Variants in GNPDA1 observed in about 807,000 individuals in gnomAD.
The protein encoded by GNPDA1 is GNPDA 1.
In GNPDA1, 24 loss-of-function variants were observed where a neutral mutation model predicts 28.5. The ratio of observed to expected loss-of-function variants is 0.84; its 90% confidence interval spans 0.61 to 1.19. The LOEUF (loss-of-function observed/expected upper bound fraction) is 1.19, where lower values mean the gene tolerates loss of function less well. GNPDA1 is among the 50% of genes most tolerant of loss of function. GNPDA1 has a pLI of 0.00. For synonymous variants in GNPDA1, 147 were observed against 139.3 expected, an observed-to-expected ratio of 1.06 and a Z score of -0.39; for missense variants, 264 against 367.3, an observed-to-expected ratio of 0.72 and a Z score of 2.30.
At position 142,001,033 on chromosome 5, in the gene GNPDA1, A is replaced by C. The variant is rs1048284370; in HGVS notation, c.*996T>G. The stretch of plus-strand genomic sequence containing the variant: ...ACATCAGACCACACCATGTGAATTT[A>C]AGCAGGACTATTTTAAGTGGGGAAA... On this transcript the variant is annotated 3_prime_UTR_variant, in exon 7 of 7. Coordinates refer to ENST00000311337, the MANE Select transcript of GNPDA1 (RefSeq NM_005471.5). 1.3e-5 allele frequency: 2 copies of C among 152,398 alleles called. No individual in the cohort carries two copies. Among genetic ancestry groups the C allele is most frequent in the Non-Finnish European group, 2.9e-5 (2 of 68,060 alleles). The allele number at this position is 152,398 out of a possible 1,614,324, so 9.4% of individuals were successfully genotyped here. A position where few individuals can be genotyped will look rare whatever the true frequency, so the allele number is the denominator to read the frequency against.
intron 2 of GNPDA1, among the ~76,000 whole-genome samples, chr5:142,010,053 G>T (rs1755905475): frequency 6.6e-6 from 1 of 152,232 alleles, no homozygotes; most frequent in African/African-American, 2.4e-5. Flanking sequence ...CAGCCTCCGA[G>T]GGCCTGAGAC....
intron 1 of GNPDA1, chr5:142,012,441 C>T (rs112533497): frequency 6.3e-6 from 1 of 159,598 alleles, no homozygotes; most frequent in Non-Finnish European, 1.4e-5. Context: ...TCTACGTTGG[C>T]TGTTACCATC....
intron 2 of GNPDA1, among the ~76,000 whole-genome samples, chr5:142,010,010 G>A (rs926340769): frequency 6.6e-6 from 1 of 152,140 alleles, no homozygotes; most frequent in African/African-American, 2.4e-5. Flanking sequence ...CAGAGGTTGG[G>A]TCTCTCCACA....
rs1476307109 is a variant in GNPDA1, at chr5:142,007,655, G to A, written c.226+144C>T. ...GCTTTATTAGCCCCATTTTATAGCT[G>A]AGTAAACCAAGAGGTAAGTATTGAT... On this transcript the variant is annotated intron_variant, in intron 3 of 6. Transcript: ENST00000311337. 2.7e-5 allele frequency: 17 copies of A among 638,106 alleles called. 1 individual carries two copies. The Admixed American group carries it at 3.9e-4, about 15-fold the overall frequency. The allele number at this position is 638,106 out of a possible 1,614,324, so 39.5% of individuals were successfully genotyped here. A position where few individuals can be genotyped will look rare whatever the true frequency, so the allele number is the denominator to read the frequency against.
rs947804637 is a variant in GNPDA1 at position 142,012,021 on chromosome 5, G to A, written c.15C>T (p.Ile5=). The change falls in exon 2 of 7, where the codon ATC becomes ATT. Residue 5 remains isoleucine, a synonymous_variant. Transcript: ENST00000311337. MKLI[I]LEHYSQASEW... Reference sequence around the variant, plus strand: ...CGCTCGCCTGAGAATAGTGCTCCAGGATGATGAGCTTCATCTTGTCCTGCA... The same window carrying A: ...CGCTCGCCTGAGAATAGTGCTCCAGAATGATGAGCTTCATCTTGTCCTGCA... 5 of 1,602,012 alleles carry A rather than the reference G, an allele frequency of 3.1e-6. No individual in the cohort carries two copies. The highest frequency in any genetic ancestry group is 3.4e-6 in the Non-Finnish European group (4 of 1,169,988).
At chr5:142,012,206 C>G in intron 1 of GNPDA1, 165 bp from the exon 2 acceptor site, 2 of 576,438 alleles carry the variant, frequency 3.5e-6, no homozygotes, top group Non-Finnish European at 2.9e-6. Context: ...AGAGGCTAGG[C>G]CAGTCGTCTC....
intron 2 of GNPDA1, 31 bp downstream of exon 2, chr5:142,011,881 T>C: frequency 6.2e-7 from 1 of 1,613,272 alleles, no homozygotes; most frequent in Non-Finnish European, 8.5e-7. Context: ...TCCACCCTTA[T>C]CCACGGCACC....
rs1755800453 is a variant in GNPDA1, at chr5:142,006,211, T to C, written c.342A>G (p.Leu114=). 1.2e-6 allele frequency: 2 copies of C among 1,614,110 alleles called. No individual in the cohort carries two copies. The highest frequency in any genetic ancestry group is 1.7e-6 in the Non-Finnish European group (2 of 1,179,938). Residue 114 remains leucine, a synonymous_variant, in exon 4 of 7, where the codon CTA becomes CTG. Transcript: ENST00000311337. The part of the protein sequence containing the change: ...THILDGNAVD[L]QAECDAFEEK... Reference sequence around the variant, plus strand: ...CTTCAAAGGCATCACATTCTGCCTGTAGGTCGACTGCATTCCCATCCAGAA... The same window carrying C: ...CTTCAAAGGCATCACATTCTGCCTGCAGGTCGACTGCATTCCCATCCAGAA...
chr5:142,011,842 G>A (rs1561574287), intron 2 of GNPDA1, 70 bp downstream of exon 2: 12 of 1,564,286 alleles, frequency 7.7e-6, no homozygotes, highest in South Asian at 1.1e-5. Flanking sequence ...TGAGTGAGCC[G>A]GTGTACCTGG....
chr5:142,009,384 C>G (rs1303381253), intron 2 of GNPDA1, among the ~76,000 whole-genome samples: 1 of 152,104 alleles, frequency 6.6e-6, no homozygotes. Flanking sequence ...CCACCCCTGC[C>G]GACACACTCC....
At chr5:142,010,571 C>G (rs1755923778) in intron 2 of GNPDA1, among the ~76,000 whole-genome samples, 1 of 149,302 alleles carries the variant, frequency 6.7e-6, no homozygotes. Context: ...AGTGCAATTG[C>G]ACAATCATGG....
rs1442031804 is a variant in GNPDA1 at position 142,000,970 on chromosome 5, A to C, written c.*1059T>G. ...CACCTTGGGATCCGGGGAGAAGGGT[A>C]AATGGGCAAAAGGGTTGTATTTCCT... is the stretch of plus-strand genomic sequence containing the variant. On this transcript the variant is annotated 3_prime_UTR_variant, in exon 7 of 7. Coordinates refer to ENST00000311337, the MANE Select transcript of GNPDA1 (RefSeq NM_005471.5). 1.3e-5 allele frequency: 2 copies of C among 152,516 alleles called. No individual in the cohort carries two copies. The highest frequency in any genetic ancestry group is 2.9e-5 in the Non-Finnish European group (2 of 68,110). 9.4% of individuals were successfully genotyped at this position (152,516 alleles called of 1,614,324 possible).
In GNPDA1 at chr5:142,005,069, G is replaced by A. The variant is rs758358966; in HGVS notation, c.457C>T (p.Leu153=). 6.2e-7 allele frequency: 1 copy of A among 1,612,304 alleles called. No individual in the cohort carries two copies. Among genetic ancestry groups the A allele is most frequent in the African/African-American group, 1.3e-5 (1 of 74,902 alleles). ...GTCTTCACACGGGTCCTGGACACCA[G>A]ACTGGAGCCTGGCTCGTTGAAGGCA... ...HIAFNEPGSS[L]VSRTRVKTLA... Residue 153 remains leucine, a synonymous_variant, in exon 5 of 7, where the codon CTG becomes TTG. Coordinates refer to ENST00000311337, the MANE Select transcript of GNPDA1 (RefSeq NM_005471.5).
intron 4 of GNPDA1, 131 bp from the exon 5 acceptor site, chr5:142,005,247 G>A (rs984699620): frequency 4.5e-6 from 3 of 669,392 alleles, no homozygotes; most frequent in African/African-American, 3.6e-5. Flanking sequence ...CTCATTTGCA[G>A]CCCTGGGCAG....
intron 4 of GNPDA1, chr5:142,005,404 A>C (rs1160745363): frequency 3.8e-6 from 1 of 265,740 alleles, no homozygotes; most frequent in African/African-American, 2.1e-5. Context: ...GCTGAGGAGG[A>C]AACACTCCAA....
Position 142,003,202 on chromosome 5 carries a change from C to T in GNPDA1, c.655G>A (p.Gly219Arg). Residue 219 changes from glycine to arginine, a missense_variant, in exon 6 of 7, where the codon GGA (glycine) becomes AGA (arginine). Gly to Arg is a moderately radical substitution (Grantham distance 125). Transcript: ENST00000311337. This position sits in a 1 kb window ranked among gnomAD's most constrained non-coding sequence, Gnocchi z 4.0. The part of the protein sequence containing the change: ...AFALYKAIEE[G>R]VNHMWTVSAF... Reference sequence around the variant, plus strand: ...GACACGGTCCACATGTGGTTCACTCCCTCCTCGATGGCCTTGTACAGAGCA... The same window carrying T: ...GACACGGTCCACATGTGGTTCACTCTCTCCTCGATGGCCTTGTACAGAGCA... 1 of 1,613,732 alleles carries T rather than the reference C, an allele frequency of 6.2e-7. No homozygotes were observed. Among genetic ancestry groups the T allele is most frequent in the Non-Finnish European group, 8.5e-7 (1 of 1,179,640 alleles).
rs1756003653 is a variant in GNPDA1, at chr5:142,013,010, G to A, written c.-22C>T. The A allele has an allele frequency of 6.6e-6, 1 of 151,066 alleles. No homozygotes were observed. The highest frequency in any genetic ancestry group is 2.1e-4 in the South Asian group (1 of 4,820). 9.4% of individuals were successfully genotyped at this position (151,066 alleles called of 1,614,324 possible). On this transcript the variant is annotated 5_prime_UTR_variant, in exon 1 of 7. Transcript: ENST00000311337. ...ACCCACTTACACGGACGCCTCCCGCGGCGGCTGCAGCGACTGCGCCGGCGG... is the reference window on the plus strand; with the variant it reads ...ACCCACTTACACGGACGCCTCCCGCAGCGGCTGCAGCGACTGCGCCGGCGG...
rs1206862585 is a variant in GNPDA1 at position 142,003,248 on chromosome 5, G to A, written c.609C>T (p.Ile203=). 40 of 1,610,850 alleles carry A rather than the reference G, an allele frequency of 2.5e-5. No individual in the cohort carries two copies. The highest frequency in any genetic ancestry group is 3.3e-5 in the Non-Finnish European group (39 of 1,178,072). Residue 203 remains isoleucine, a synonymous_variant, in exon 6 of 7, where the codon ATC becomes ATT. Coordinates refer to ENST00000311337, the MANE Select transcript of GNPDA1 (RefSeq NM_005471.5). This position sits in a 1 kb window ranked among gnomAD's most constrained non-coding sequence, Gnocchi z 4.0. ...GAGCAAATGCCTTGTGAGCACCTGT[G>A]ATAAGGATCATCACCTGGGGATCAG... The part of the protein sequence containing the change: ...VMDAREVMIL[I]TGAHKAFALY...
chr5:142,007,986 C>T lies in GNPDA1; in HGVS notation c.125-86G>A, dbSNP rs559981132. ...TTCACAGGAATAAGTCAGGGCTGCT[C>T]ACAGGGAGAACCTGTCAGATCTGAA... is the stretch of plus-strand genomic sequence containing the variant. On this transcript the variant is annotated intron_variant, in intron 2 of 6. Coordinates refer to ENST00000311337, the MANE Select transcript of GNPDA1 (RefSeq NM_005471.5). The T allele has an allele frequency of 2.2e-4, 166 of 753,502 alleles. No individual in the cohort carries two copies. In the African/African-American group the frequency reaches 2.6e-3, roughly 12 times the overall value. The allele number at this position is 753,502 out of a possible 1,614,324, so 46.7% of individuals were successfully genotyped here.
Sources: gnomAD v4.1 joint callset for allele counts (sites outside exome capture counted in the v4.1 genomes callset) on GRCh38, gnomAD v4.1.1 for gene constraint, Gnocchi (gnomAD v3.1) non-coding constraint, MANE v1.5 for transcripts, NCBI Gene and HGNC (gene_info 2026-07-23, HGNC 2026-07-21) for gene names.